The following DPYD variants were observed in gnomAD, a reference collection of about 807,000 sequenced individuals.
DPYD encodes dihydropyrimidine dehydrogenase.
DPYD carries 109 observed loss-of-function variants against 116.2 expected under a neutral mutation model. That is an observed-to-expected ratio of 0.94 (90% confidence interval 0.80 to 1.10). The LOEUF (loss-of-function observed/expected upper bound fraction) is 1.10. Ranked by LOEUF, DPYD falls within the 50% of genes least tolerant of loss-of-function variation. The pLI is 0.00. For synonymous variants in DPYD, 440 were observed against 432.0 expected (o/e 1.02, Z -0.23); for missense variants, 1,302 against 1,254.5 (o/e 1.04, Z -0.57).
chr1:97,782,013 A>G (rs1230454695), intron 3 of DPYD, among the ~76,000 whole-genome samples: 1 of 152,144 alleles, frequency 6.6e-6, no homozygotes, highest in Non-Finnish European at 1.5e-5. Context: ...TCTCATTCCA[A>G]TCCTTTATTC....
chr1:97,296,141 G>A (rs1666511815), intron 18 of DPYD: 1 of 151,370 alleles, frequency 6.6e-6, no homozygotes, highest in South Asian at 2.1e-4. Context: ...AAAATTTGGG[G>A]ATACCAAACA....
At chr1:97,628,919 T>C (rs1257242522) in intron 8 of DPYD, among the ~76,000 whole-genome samples, 1 of 152,036 alleles carries the variant, frequency 6.6e-6, no homozygotes, top group Non-Finnish European at 1.5e-5. Context: ...ACTAGATACC[T>C]TGAGTTCAAA....
At chr1:97,211,874 A>G (rs1660053894) in intron 19 of DPYD, among the ~76,000 whole-genome samples, 2 of 152,094 alleles carry the variant, frequency 1.3e-5, no homozygotes, top group Non-Finnish European at 2.9e-5. Flanking sequence ...AAATAAAGGT[A>G]TTATGTCATT....
At chr1:97,662,311 CT>C (rs1455582961) in intron 8 of DPYD, among the ~76,000 whole-genome samples, 1 of 151,804 alleles carries the variant, frequency 6.6e-6, no homozygotes, top group Non-Finnish European at 1.5e-5. Flanking sequence ...CCCAAGTCAA[CT>C]CTTTAGCAGG....
At chr1:97,546,952 G>T in intron 12 of DPYD, 1 of 1,605,550 alleles carries the variant, frequency 6.2e-7, no homozygotes, top group Admixed American at 1.7e-5. Flanking sequence ...GGAAGAGGAA[G>T]ATGATGACTA....
At chr1:97,121,729 G>A (rs1473837228) in intron 20 of DPYD, among the ~76,000 whole-genome samples, 1 of 152,154 alleles carries the variant, frequency 6.6e-6, no homozygotes, top group Non-Finnish European at 1.5e-5. Flanking sequence ...TTAGCCCAAA[G>A]GTGGGCTTAT....
At chr1:97,104,047 C>G (rs1335396050) in intron 20 of DPYD, among the ~76,000 whole-genome samples, 1 of 152,186 alleles carries the variant, frequency 6.6e-6, no homozygotes, top group South Asian at 2.1e-4. Flanking sequence ...GATTACCCTC[C>G]CTGCCCAGTG....
intron 2 of DPYD, among the ~76,000 whole-genome samples, chr1:97,830,721 AAG>A (rs1275886869): frequency 3.3e-5 from 5 of 151,818 alleles, no homozygotes; most frequent in East Asian, 1.9e-4. Context: ...AAAAAAAAAA[AAG>A]AGAGAGAGAG....
At chr1:97,112,835 C>T (rs1024921683) in intron 20 of DPYD, among the ~76,000 whole-genome samples, 5 of 152,072 alleles carry the variant, frequency 3.3e-5, no homozygotes, top group Non-Finnish European at 1.5e-5. Context: ...AAATGAAATT[C>T]GGTCAACTTA....
At chr1:97,602,211 A>C (rs887120289) in intron 8 of DPYD, among the ~76,000 whole-genome samples, 1 of 152,038 alleles carries the variant, frequency 6.6e-6, no homozygotes, top group African/African-American at 2.4e-5. Context: ...AAAACAGTAC[A>C]ATTTTAAAAA....
At chr1:97,411,666 C>T (rs900579745) in intron 14 of DPYD, among the ~76,000 whole-genome samples, 1 of 152,140 alleles carries the variant, frequency 6.6e-6, no homozygotes, top group South Asian at 2.1e-4. Context: ...TAGGGATCAA[C>T]CAAAAATGTT....
At chr1:97,168,300 G>C (rs1656468321) in intron 20 of DPYD, among the ~76,000 whole-genome samples, 3 of 152,174 alleles carry the variant, frequency 2.0e-5, no homozygotes, top group Admixed American at 2.0e-4. Context: ...GCTGGCAGCA[G>C]CTCTTCACTC....
intron 12 of DPYD, among the ~76,000 whole-genome samples, chr1:97,518,229 A>G (rs1393514465): frequency 6.6e-6 from 1 of 152,064 alleles, no homozygotes; most frequent in Non-Finnish European, 1.5e-5. Context: ...AATGAGAAAT[A>G]CAGCTTCTTA....
Position 97,113,597 on chromosome 1 carries a change from G to A in DPYD, c.2623-14965C>T, listed in dbSNP as rs55896709. Among the ~76,000 whole-genome samples the A allele has an allele frequency of 5.7e-3, 861 of 152,156 alleles. 6 individuals are homozygous for A. Among genetic ancestry groups the A allele is most frequent in the African/African-American group, 0.019 (795 of 41,542 alleles). ...TTGTGGAACGTCTTTCCAAGACAAT[G>A]TGTTTTCTTTGTCTAGGGGAGTTTT... is the stretch of plus-strand genomic sequence containing the variant. On this transcript the variant is annotated intron_variant, in intron 20 of 22. Coordinates refer to ENST00000370192, the MANE Select transcript of DPYD (RefSeq NM_000110.4).
chr1:97,353,817 A>C (rs1180528428), intron 16 of DPYD, among the ~76,000 whole-genome samples: 1 of 152,210 alleles, frequency 6.6e-6, no homozygotes, highest in Non-Finnish European at 1.5e-5. Context: ...ACTGTCTTCA[A>C]ACTGAAATGC....
chr1:97,323,601 T>TGTATATATACAC (rs1396184073), intron 16 of DPYD, among the ~76,000 whole-genome samples: 2 of 87,428 alleles, frequency 2.3e-5, no homozygotes, highest in African/African-American at 7.4e-5. Flanking sequence ...TACATATATG[T>TGTATATATACAC]GTATATATAC....
chr1:97,778,115 G>A (rs540270990), intron 3 of DPYD, among the ~76,000 whole-genome samples: 5 of 130,010 alleles, frequency 3.8e-5, no homozygotes, highest in East Asian at 4.8e-4. Flanking sequence ...TCAAGGCTCC[G>A]CCACTGAACT....
chr1:97,810,276 G>T (rs1170313501), intron 3 of DPYD, among the ~76,000 whole-genome samples: 2 of 90,218 alleles, frequency 2.2e-5, no homozygotes, highest in East Asian at 7.7e-4. Context: ...AACAGAGTGA[G>T]ACTCCATCTC....
chr1:97,792,529 C>A (rs1019283494), intron 3 of DPYD, among the ~76,000 whole-genome samples: 4 of 152,120 alleles, frequency 2.6e-5, no homozygotes, highest in African/African-American at 9.7e-5. Flanking sequence ...GGATTACAGG[C>A]GTGAGCCACC....
Sources: gnomAD v4.1 joint callset for allele counts (sites outside exome capture counted in the v4.1 genomes callset) on GRCh38, gnomAD v4.1.1 for gene constraint, MANE v1.5 for transcripts, NCBI Gene and HGNC (gene_info 2026-07-23, HGNC 2026-07-21) for gene names.